The following PPP4R2 variants were observed in gnomAD, a reference collection of about 807,000 sequenced individuals.
PPP4R2 encodes the protein protein phosphatase 4 regulatory subunit 2.
In PPP4R2, 13 loss-of-function variants were observed where a neutral mutation model predicts 47.2. That is an observed-to-expected ratio of 0.28 (90% CI 0.18 to 0.44). The LOEUF (loss-of-function observed/expected upper bound fraction) is 0.44. PPP4R2 is among the 20% of genes least tolerant of loss of function. The pLI, the probability that PPP4R2 is intolerant of heterozygous loss-of-function variation, is 1.00. For synonymous variants in PPP4R2, 151 were observed against 163.3 expected (o/e 0.92, Z 0.57); for missense variants, 421 against 491.2 (o/e 0.86, Z 1.35).
At chr3:73,062,625 G>T (rs757842781) in intron 5 of PPP4R2, 3 of 1,613,992 alleles carry the variant, frequency 1.9e-6, no homozygotes, top group Admixed American at 1.7e-5. Context: ...GAAGTCATCA[G>T]TTCTCCGCCA....
At chr3:73,028,565 C>G (rs1050162960) in intron 2 of PPP4R2, among the ~76,000 whole-genome samples, 16 of 152,042 alleles carry the variant, frequency 1.1e-4, no homozygotes, top group Non-Finnish European at 1.9e-4. Context: ...CTCAGCCTCC[C>G]GAGTAGCTGG....
At chr3:73,000,575 GA>G in intron 2 of PPP4R2, among the ~76,000 whole-genome samples, 1 of 152,224 alleles carries the variant, frequency 6.6e-6, no homozygotes, top group East Asian at 1.9e-4. Context: ...GAGGCCGTAG[GA>G]AAAATTTGAA....
intron 2 of PPP4R2, among the ~76,000 whole-genome samples, chr3:73,042,690 A>T (rs1281107223): frequency 6.6e-6 from 1 of 151,890 alleles, no homozygotes; most frequent in East Asian, 1.9e-4. Flanking sequence ...TTAGGGAAGC[A>T]TTTTCTGTTT....
At chr3:73,045,450 A>G (rs1363465447) in intron 2 of PPP4R2, among the ~76,000 whole-genome samples, 1 of 152,090 alleles carries the variant, frequency 6.6e-6, no homozygotes, top group Non-Finnish European at 1.5e-5. Flanking sequence ...TTGGTAACAA[A>G]TACTGTCAGT....
At chr3:73,042,654 C>T (rs1169806947) in intron 2 of PPP4R2, among the ~76,000 whole-genome samples, 2 of 151,960 alleles carry the variant, frequency 1.3e-5, no homozygotes, top group South Asian at 2.1e-4. Context: ...TGAGCCACCG[C>T]GCCTGGCCCC....
chr3:73,032,487 C>T (rs940444724), intron 2 of PPP4R2, among the ~76,000 whole-genome samples: 4 of 152,164 alleles, frequency 2.6e-5, no homozygotes, highest in South Asian at 4.1e-4. Context: ...CGGGGTTTTA[C>T]CATGTTGGCC....
intron 2 of PPP4R2, among the ~76,000 whole-genome samples, chr3:73,045,283 G>A (rs1018649691): frequency 1.3e-5 from 2 of 152,040 alleles, no homozygotes; most frequent in Non-Finnish European, 2.9e-5. Flanking sequence ...GATTACAGGC[G>A]TGAGCCACCA....
chr3:73,037,417 G>A (rs1427420013), intron 2 of PPP4R2, among the ~76,000 whole-genome samples: 1 of 152,170 alleles, frequency 6.6e-6, no homozygotes, highest in African/African-American at 2.4e-5. Flanking sequence ...AAGGTAACCA[G>A]TTAAGATGTT....
At chr3:73,024,967 G>A (rs1474880849) in intron 2 of PPP4R2, among the ~76,000 whole-genome samples, 1 of 152,154 alleles carries the variant, frequency 6.6e-6, no homozygotes, top group Non-Finnish European at 1.5e-5. Context: ...CTCAGCAGCA[G>A]AAGTTGTTAG....
intron 2 of PPP4R2, among the ~76,000 whole-genome samples, chr3:73,004,956 TG>T (rs1270688854): frequency 4.3e-5 from 6 of 138,826 alleles, no homozygotes; most frequent in African/African-American, 1.2e-4. Flanking sequence ...TGTGTGTGTG[TG>T]TGTGTGTGTG....
At chr3:73,028,071 A>G (rs747363905) in intron 2 of PPP4R2, among the ~76,000 whole-genome samples, 5 of 151,620 alleles carry the variant, frequency 3.3e-5, no homozygotes, top group Non-Finnish European at 5.9e-5. Flanking sequence ...AGCCTGGCCA[A>G]CATGGTGAAA....
At position 73,064,061 on chromosome 3, in the gene PPP4R2, T is replaced by C. The variant is rs150532893; in HGVS notation, c.553T>C (p.Ser185Pro). 1.6e-4 allele frequency: 266 copies of C among 1,613,450 alleles called. No homozygotes were observed. In the African/African-American group the frequency reaches 2.9e-3, roughly 18 times the overall value. The change falls in exon 7 of 9, where the codon TCA (serine) becomes CCA (proline). Residue 185 changes from serine (S) to proline (P), a missense_variant. Around this residue, in one of 2 missense-constraint regions of PPP4R2, gnomAD observed 317 missense variants for 287.5 expected, o/e 1.10. Transcript: ENST00000356692. Reference protein sequence around the residue: ...RPLNRPKVSLSAPMTTNGLPE... With the variant: ...RPLNRPKVSLPAPMTTNGLPE... ...ACTTAATCGACCAAAGGTTTCTTTG[T>C]CAGCCCCCATGACAACAAATGGGTT... is the stretch of plus-strand genomic sequence containing the variant.
chr3:73,021,131 C>CT (rs1180538699), intron 2 of PPP4R2, among the ~76,000 whole-genome samples: 1 of 151,794 alleles, frequency 6.6e-6, no homozygotes, highest in Non-Finnish European at 1.5e-5. Context: ...ATTATGTTAA[C>CT]TAAGTTGTGT....
intron 2 of PPP4R2, among the ~76,000 whole-genome samples, chr3:73,040,364 T>C (rs1195645182): frequency 1.3e-5 from 2 of 152,200 alleles, no homozygotes; most frequent in Non-Finnish European, 2.9e-5. Flanking sequence ...ATGTACTTCA[T>C]ACTTCGGACT....
intron 2 of PPP4R2, among the ~76,000 whole-genome samples, chr3:73,033,119 A>T (rs541181435): frequency 6.6e-6 from 1 of 152,304 alleles, no homozygotes; most frequent in South Asian, 2.1e-4. Flanking sequence ...CTTGGTTTAC[A>T]TCATTGTTTT....
Position 73,067,520 on chromosome 3 carries a change from A to G in PPP4R2, c.*1798A>G, listed in dbSNP as rs550108931. The stretch of plus-strand genomic sequence containing the variant: ...AATAAAATCTGAATATTGATTTACT[A>G]TACCCAAGAGGGGAGAAAAATTAAC... On this transcript the variant is annotated 3_prime_UTR_variant, in exon 9 of 9. Coordinates refer to ENST00000356692, the MANE Select transcript of PPP4R2 (RefSeq NM_174907.4). 9 of 152,288 alleles carry G rather than the reference A, an allele frequency of 5.9e-5. No individual in the cohort carries two copies. The highest frequency in any genetic ancestry group is 2.0e-4 in the Admixed American group (3 of 15,306). The allele number at this position is 152,288 out of a possible 1,614,324, so 9.4% of individuals were successfully genotyped here.
chr3:73,020,203 C>T (rs1701930259), intron 2 of PPP4R2, among the ~76,000 whole-genome samples: 1 of 151,896 alleles, frequency 6.6e-6, no homozygotes. Flanking sequence ...TTTTTTGTTT[C>T]ATTTGTTTTT....
chr3:73,026,290 T>G (rs887097914), intron 2 of PPP4R2, among the ~76,000 whole-genome samples: 1 of 152,210 alleles, frequency 6.6e-6, no homozygotes, highest in Non-Finnish European at 1.5e-5. Flanking sequence ...TTTGTACATA[T>G]TGTTCCCTTT....
rs1202012005 is a variant in PPP4R2, at chr3:73,062,048, A to G, written c.419+988A>G. ...ACGTGAGGTATTTTGGAAAAATGGTAAAGAAGTGCAGAGTCAAGTCATAGC... is the reference window on the plus strand; with the variant it reads ...ACGTGAGGTATTTTGGAAAAATGGTGAAGAAGTGCAGAGTCAAGTCATAGC... On this transcript the variant is annotated intron_variant, in intron 5 of 8. Transcript: ENST00000356692. 5 of 1,446,054 alleles carry G rather than the reference A, an allele frequency of 3.5e-6. No individual in the cohort carries two copies. The East Asian group carries it at 7.5e-5, about 22-fold the overall frequency. 89.6% of individuals were successfully genotyped at this position (1,446,054 alleles called of 1,614,324 possible). A position where few individuals can be genotyped will look rare whatever the true frequency, so the allele number is the denominator to read the frequency against.
Sources: gnomAD v4.1 joint callset for allele counts (sites outside exome capture counted in the v4.1 genomes callset) on GRCh38, gnomAD v4.1.1 for gene constraint, gnomAD v4.1.1 regional missense constraint, MANE v1.5 for transcripts, NCBI Gene and HGNC (gene_info 2026-07-23, HGNC 2026-07-21) for gene names.